The following ARIH2 variants were observed in gnomAD, a reference collection of about 807,000 sequenced individuals.
ARIH2 encodes ariadne RBR E3 ubiquitin protein ligase 2, also known as E3 ubiquitin-protein ligase ARIH2.
In ARIH2, 12 loss-of-function variants were observed where a neutral mutation model predicts 79.8. The observed-to-expected ratio is 0.15, with a 90% CI of 0.10 to 0.24. ARIH2 has a LOEUF of 0.24. Ranked by LOEUF, ARIH2 falls within the 10% of genes least tolerant of loss-of-function variation. The pLI is 1.00. For missense variants in ARIH2, 301 were observed against 618.3 expected, an observed-to-expected ratio of 0.49 and a Z score of 5.44; for synonymous variants, 224 against 213.9, an observed-to-expected ratio of 1.05 and a Z score of -0.41.
At chr3:48,975,577 T>C (rs2092452363) in intron 11 of ARIH2, among the ~76,000 whole-genome samples, 1 of 152,098 alleles carries the variant, frequency 6.6e-6, no homozygotes, top group Non-Finnish European at 1.5e-5. Flanking sequence ...TTTTTTTTTT[T>C]TTTGGGAGAA....
intron 3 of ARIH2, among the ~76,000 whole-genome samples, chr3:48,928,150 A>G (rs917685542): frequency 2.6e-5 from 4 of 152,216 alleles, no homozygotes; most frequent in Non-Finnish European, 4.4e-5. Context: ...GGTTGATACA[A>G]TAAGCATCAG....
rs1559717167 is a variant in ARIH2, at chr3:48,927,757, A to C, written c.199A>C (p.Lys67Gln). Reference protein sequence around the residue: ...EEYQFTCLTYKESEGALNEHM... With the variant: ...EEYQFTCLTYQESEGALNEHM... Reference sequence around the variant, plus strand: ...GTACCAGTTCACTTGCTTGACCTACAAGGAATCTGAGGGTGCCCTCAATGA... The same window carrying C: ...GTACCAGTTCACTTGCTTGACCTACCAGGAATCTGAGGGTGCCCTCAATGA... The change falls in exon 3 of 16, where the codon AAG (lysine) becomes CAG (glutamine). Residue 67 changes from lysine (K) to glutamine (Q), a missense_variant. By Grantham distance (53) the Lys-to-Gln change is moderately conservative. Transcript: ENST00000356401. 1 of 1,614,162 alleles carries C rather than the reference A, an allele frequency of 6.2e-7. No individual in the cohort carries two copies. The highest frequency in any genetic ancestry group is 1.7e-5 in the Admixed American group (1 of 60,012).
intron 8 of ARIH2, among the ~76,000 whole-genome samples, chr3:48,971,618 A>G (rs1017623591): frequency 1.3e-5 from 2 of 152,234 alleles, no homozygotes; most frequent in Non-Finnish European, 2.9e-5. Context: ...ATTTAGGCCC[A>G]GATCTGTCCT....
intron 15 of ARIH2, 89 bp downstream of exon 15, chr3:48,983,068 T>C: frequency 6.7e-7 from 1 of 1,491,478 alleles, no homozygotes; most frequent in Non-Finnish European, 9.3e-7. Flanking sequence ...TGTGCACTGG[T>C]AGCTGCTGCT....
rs372414349 is a variant in ARIH2, at chr3:48,967,250, T to C, written c.513T>C (p.Val171=). ...GCTGCTGGGAGCAGCACTGCTCAGT[T>C]CTCGTCAAGGACGGCGTGGGCGTGG... The part of the protein sequence containing the change: ...CRSCWEQHCS[V]LVKDGVGVGV... The change falls in exon 6 of 16, where the codon GTT becomes GTC. Residue 171 remains valine, a synonymous_variant. Transcript: ENST00000356401. 6 of 1,614,152 alleles carry C rather than the reference T, an allele frequency of 3.7e-6. No homozygotes were observed. The highest frequency in any genetic ancestry group is 5.1e-6 in the Non-Finnish European group (6 of 1,180,018).
chr3:48,978,876 G>A (rs564455502), intron 11 of ARIH2, among the ~76,000 whole-genome samples: 2 of 151,718 alleles, frequency 1.3e-5, no homozygotes, highest in African/African-American at 2.4e-5. Flanking sequence ...CAAGAGAATC[G>A]CTTGAACCTG....
Position 48,983,452 on chromosome 3 carries a change from T to C in ARIH2, c.*182T>C. On this transcript the variant is annotated 3_prime_UTR_variant, in exon 16 of 16. Transcript: ENST00000356401. Reference sequence around the variant, plus strand: ...TTCTTCTCTTTTCACTTTTTGTTTCTACCAGGGTAGAGGCCATGTTGAACT... The same window carrying C: ...TTCTTCTCTTTTCACTTTTTGTTTCCACCAGGGTAGAGGCCATGTTGAACT... 1.6e-6 allele frequency: 1 copy of C among 633,706 alleles called. No individual in the cohort carries two copies. Among genetic ancestry groups the C allele is most frequent in the Non-Finnish European group, 2.8e-6 (1 of 359,120 alleles). The allele number at this position is 633,706 out of a possible 1,614,324, so 39.3% of individuals were successfully genotyped here.
chr3:48,961,394 T>G (rs1446644474), intron 3 of ARIH2, among the ~76,000 whole-genome samples: 1 of 152,246 alleles, frequency 6.6e-6, no homozygotes, highest in African/African-American at 2.4e-5. Context: ...TTGAAAGATT[T>G]ATTAATGAAA....
At position 48,983,362 on chromosome 3, in the gene ARIH2, C is replaced by G. The variant is rs934127005; in HGVS notation, c.*92C>G. 3.1e-6 allele frequency: 4 copies of G among 1,294,004 alleles called. No individual in the cohort carries two copies. Among genetic ancestry groups the G allele is most frequent in the Non-Finnish European group, 4.5e-6 (4 of 895,444 alleles). 80.2% of individuals were successfully genotyped at this position (1,294,004 alleles called of 1,614,324 possible). On this transcript the variant is annotated 3_prime_UTR_variant, in exon 16 of 16. Coordinates refer to ENST00000356401, the MANE Select transcript of ARIH2 (RefSeq NM_006321.4). The stretch of plus-strand genomic sequence containing the variant: ...TGCTGCAGGCTCTGCCTTTCATGAC[C>G]CCAGGCAACAGCCAGGGCCCCACTC...
Position 48,964,828 on chromosome 3 carries a change from G to C in ARIH2, c.324-91G>C, listed in dbSNP as rs533314318. 1.5e-5 allele frequency: 15 copies of C among 980,520 alleles called. No homozygotes were observed. In the African/African-American group the frequency reaches 1.9e-4, roughly 13 times the overall value. 60.7% of individuals were successfully genotyped at this position (980,520 alleles called of 1,614,324 possible). A position where few individuals can be genotyped will look rare whatever the true frequency, so the allele number is the denominator to read the frequency against. ...TCTGTGAGAAAGTAGAGACAAAGAT[G>C]CTCTAAACATCTTTCTCTGTCCTGT... On this transcript the variant is annotated intron_variant, in intron 4 of 15. Coordinates refer to ENST00000356401, the MANE Select transcript of ARIH2 (RefSeq NM_006321.4).
At chr3:48,919,291 C>T (rs2084397531) in intron 1 of ARIH2, 2 of 1,062,158 alleles carry the variant, frequency 1.9e-6, no homozygotes, top group Non-Finnish European at 2.4e-6. Flanking sequence ...CTGTCTGGCG[C>T]GGCGGGGAAA....
chr3:48,941,872 C>T (rs912017273), intron 3 of ARIH2, among the ~76,000 whole-genome samples: 8 of 151,014 alleles, frequency 5.3e-5, no homozygotes, highest in Non-Finnish European at 7.4e-5. Flanking sequence ...CGTGAGCCAC[C>T]GCCCGATTTT....
intron 3 of ARIH2, among the ~76,000 whole-genome samples, chr3:48,939,776 A>C (rs1372242001): frequency 3.4e-5 from 5 of 146,498 alleles, no homozygotes; most frequent in African/African-American, 1.3e-4. Flanking sequence ...AAAAAAAAAA[A>C]CAAAAACAAA....
intron 2 of ARIH2, among the ~76,000 whole-genome samples, chr3:48,926,242 CGTGT>C (rs34080246): frequency 3.2e-4 from 47 of 148,136 alleles, no homozygotes; most frequent in East Asian, 7.9e-4. Flanking sequence ...GAGTTTCCCT[CGTGT>C]GTGTGTGTGT....
chr3:48,958,514 A>G (rs1319913495), intron 3 of ARIH2, among the ~76,000 whole-genome samples: 2 of 151,900 alleles, frequency 1.3e-5, no homozygotes, highest in African/African-American at 2.4e-5. Flanking sequence ...GTTCAAGACC[A>G]GCCGGGCCAA....
intron 3 of ARIH2, chr3:48,934,423 T>TTTG (rs899852975): frequency 1.3e-5 from 13 of 982,826 alleles, no homozygotes; most frequent in East Asian, 1.1e-4. Flanking sequence ...CCAATAATGG[T>TTTG]TTGTTGTTGT....
chr3:48,981,814 G>T, intron 14 of ARIH2, 86 bp downstream of exon 14: 1 of 1,142,298 alleles, frequency 8.8e-7, no homozygotes. Flanking sequence ...GTGAGGACCA[G>T]ACCTTGGTCA....
chr3:48,972,139 G>GAGC, intron 8 of ARIH2, among the ~76,000 whole-genome samples: 1 of 152,166 alleles, frequency 6.6e-6, no homozygotes, highest in East Asian at 1.9e-4. Flanking sequence ...GTCCTTCTCA[G>GAGC]AGCACCTCAC....
rs1350376439 is a variant in ARIH2 at position 48,979,595 on chromosome 3, A to C, written c.1075A>C (p.Arg359=). ...GAACCAGAGCCAACAAGCCCAGGCGAGGGAAGCCCTCAAGAAGTACTTATT... is the reference window on the plus strand; with the variant it reads ...GAACCAGAGCCAACAAGCCCAGGCGCGGGAAGCCCTCAAGAAGTACTTATT... The part of the protein sequence containing the change: ...IVNQSQQAQA[R]EALKKYLFYF... The change falls in exon 12 of 16, where the codon AGG becomes CGG. Residue 359 remains arginine (R), a synonymous_variant. Transcript: ENST00000356401. The C allele has an allele frequency of 6.2e-7, 1 of 1,614,130 alleles. No homozygotes were observed. The highest frequency in any genetic ancestry group is 8.5e-7 in the Non-Finnish European group (1 of 1,180,060).
Sources: gnomAD v4.1 joint callset for allele counts (sites outside exome capture counted in the v4.1 genomes callset) on GRCh38, gnomAD v4.1.1 for gene constraint, MANE v1.5 for transcripts, NCBI Gene and HGNC (gene_info 2026-07-23, HGNC 2026-07-21) for gene names.